The following SOX6 variants were observed in gnomAD, a reference collection of about 807,000 sequenced individuals.
The protein encoded by SOX6 is transcription factor SOX-6.
Under a neutral mutation model 97.8 loss-of-function variants are expected in SOX6, and 11 were observed. The ratio of observed to expected loss-of-function variants is 0.11; its 90% CI spans 0.07 to 0.19. The LOEUF is 0.19. Among genes scored for constraint, SOX6 ranks in the 10% least tolerant of loss-of-function variants. The pLI is 1.00. For missense variants in SOX6, 810 were observed against 1,039.5 expected (o/e 0.78, Z 3.04); for synonymous variants, 360 against 371.4 (o/e 0.97, Z 0.35).
intron 1 of SOX6, among the ~76,000 whole-genome samples, chr11:16,412,147 A>G (rs2133056903): frequency 6.6e-6 from 1 of 152,350 alleles, no homozygotes; most frequent in Admixed American, 6.5e-5. Context: ...ATATAAACTA[A>G]AAGTCTGGAT....
intron 6 of SOX6, among the ~76,000 whole-genome samples, chr11:16,178,150 C>A (rs1211532139): frequency 3.3e-5 from 5 of 151,976 alleles, no homozygotes; most frequent in East Asian, 1.9e-4. Context: ...CTGGTCAGTT[C>A]TCTTATTTTT....
At chr11:16,526,104 T>C (rs1050706390) in intron 4 of SOX6, among the ~76,000 whole-genome samples, 3 of 152,244 alleles carry the variant, frequency 2.0e-5, no homozygotes, top group East Asian at 3.9e-4. Context: ...GAACTGGAAA[T>C]ACCATTTGAC....
intron 3 of SOX6, among the ~76,000 whole-genome samples, chr11:16,308,768 GAAAA>G (rs1855511485): frequency 6.6e-6 from 1 of 152,034 alleles, no homozygotes; most frequent in Non-Finnish European, 1.5e-5. Context: ...GATCAAAAGG[GAAAA>G]AAGTGTTTCC....
Position 16,610,856 on chromosome 11 carries a change from C to T in SOX6, n.609+1225G>A, listed in dbSNP as rs2133982346. On this transcript the variant is annotated intron_variant and non_coding_transcript_variant, in intron 4 of 5. Coordinates refer to the SOX6 transcript ENST00000524520. This position sits in a 1 kb window ranked among gnomAD's most constrained non-coding sequence, Gnocchi z 4.4. ...GGGCTCTCCACCTACCTGGTGCGCACCGGCCTGCGGGCTCGGAGAAGTTCC... is the reference window on the plus strand; with the variant it reads ...GGGCTCTCCACCTACCTGGTGCGCATCGGCCTGCGGGCTCGGAGAAGTTCC... Among the ~76,000 whole-genome samples the T allele has an allele frequency of 6.6e-6, 1 of 152,272 alleles. No homozygotes were observed. Among genetic ancestry groups the T allele is most frequent in the Admixed American group, 6.5e-5 (1 of 15,302 alleles).
chr11:16,163,602 A>G (rs1243254707), intron 6 of SOX6, among the ~76,000 whole-genome samples: 1 of 152,224 alleles, frequency 6.6e-6, no homozygotes, highest in Non-Finnish European at 1.5e-5. Context: ...TACTTTCCAA[A>G]TCAAGTTTGA....
intron 3 of SOX6, among the ~76,000 whole-genome samples, chr11:16,254,061 CA>C (rs1412080817): frequency 1.3e-5 from 2 of 150,722 alleles, no homozygotes; most frequent in African/African-American, 2.4e-5. Context: ...ACCATGCAAA[CA>C]AGAATATGGA....
intron 7 of SOX6, among the ~76,000 whole-genome samples, chr11:16,100,308 T>C (rs1848911915): frequency 6.6e-6 from 1 of 151,756 alleles, no homozygotes; most frequent in Non-Finnish European, 1.5e-5. Context: ...GTGAAGCTTG[T>C]TGAAACAGGT....
At chr11:15,978,965 T>C (rs1853581059) in intron 15 of SOX6, among the ~76,000 whole-genome samples, 2 of 130,726 alleles carry the variant, frequency 1.5e-5, no homozygotes, top group South Asian at 2.3e-4. Context: ...ATGCTTATTT[T>C]ATATATATGA....
At chr11:16,191,353 C>T (rs537260952) in intron 4 of SOX6, among the ~76,000 whole-genome samples, 6 of 152,144 alleles carry the variant, frequency 3.9e-5, no homozygotes, top group South Asian at 2.1e-4. Context: ...CCCAGCTACA[C>T]AGAAGGCTGA....
intron 3 of SOX6, among the ~76,000 whole-genome samples, chr11:16,653,831 G>A (rs1000657302): frequency 6.6e-6 from 1 of 151,918 alleles, no homozygotes; most frequent in Non-Finnish European, 1.5e-5. Context: ...TTTTACATTT[G>A]ATCTTAGCCA....
At chr11:16,526,594 T>C (rs1174341488) in intron 4 of SOX6, among the ~76,000 whole-genome samples, 2 of 152,036 alleles carry the variant, frequency 1.3e-5, no homozygotes, top group Non-Finnish European at 2.9e-5. Context: ...GTAACTAACC[T>C]GCACATTGTG....
chr11:16,724,718 C>T (rs899171204), intron 2 of SOX6, among the ~76,000 whole-genome samples: 6 of 152,170 alleles, frequency 3.9e-5, no homozygotes, highest in Non-Finnish European at 8.8e-5. Flanking sequence ...CCTCTCTAGA[C>T]TTTAGTGCAT....
At chr11:16,129,481 A>G (rs1849687426) in intron 6 of SOX6, among the ~76,000 whole-genome samples, 1 of 152,188 alleles carries the variant, frequency 6.6e-6, no homozygotes, top group South Asian at 2.1e-4. Flanking sequence ...TTACAAAGAT[A>G]GCTTTTAACA....
At chr11:16,070,977 C>A (rs1174964595) in intron 9 of SOX6, among the ~76,000 whole-genome samples, 1 of 152,258 alleles carries the variant, frequency 6.6e-6, no homozygotes, top group Non-Finnish European at 1.5e-5. Flanking sequence ...ATAGCTCCAA[C>A]AGAGGTCACA....
chr11:16,630,287 G>A (rs562104133), intron 3 of SOX6, among the ~76,000 whole-genome samples: 25 of 152,008 alleles, frequency 1.6e-4, no homozygotes, highest in Admixed American at 7.2e-4. Flanking sequence ...GGTATGTTAT[G>A]TGTCTGTTTT....
At chr11:16,733,170 A>G (rs1749273128) in intron 2 of SOX6, among the ~76,000 whole-genome samples, 1 of 152,238 alleles carries the variant, frequency 6.6e-6, no homozygotes, top group Non-Finnish European at 1.5e-5. Context: ...ACAGTGTGAC[A>G]ATTCCTCAAG....
chr11:15,989,055 C>T lies in SOX6; in HGVS notation c.1908G>A (p.Arg636=), dbSNP rs1564895527. The part of the protein sequence containing the change: ...NAFMVWAKDE[R]RKILQAFPDM... ...CGGGGAAGGCCTGAAGGATTTTTCT[C>T]CTCTCATCCTTTGCCCAAACCATGA... Residue 636 remains arginine (R), a synonymous_variant, in exon 14 of 16, where the codon AGG becomes AGA. Coordinates refer to ENST00000683767, the MANE Select transcript of SOX6 (RefSeq NM_001367873.1). The T allele has an allele frequency of 6.2e-7, 1 of 1,614,068 alleles. No individual in the cohort carries two copies. The highest frequency in any genetic ancestry group is 8.5e-7 in the Non-Finnish European group (1 of 1,180,032).
At chr11:16,646,433 A>G (rs1258914787) in intron 3 of SOX6, 2 of 151,150 alleles carry the variant, frequency 1.3e-5, no homozygotes, top group African/African-American at 4.8e-5. Flanking sequence ...TTTGTGTCTT[A>G]GGTTTATCAT....
At chr11:16,287,513 C>T (rs188771344) in intron 3 of SOX6, among the ~76,000 whole-genome samples, 5 of 152,008 alleles carry the variant, frequency 3.3e-5, no homozygotes, top group African/African-American at 4.8e-5. Flanking sequence ...CCATGTTGAA[C>T]GGAAACATAG....
Sources: gnomAD v4.1 joint callset for allele counts (sites outside exome capture counted in the v4.1 genomes callset) on GRCh38, gnomAD v4.1.1 for gene constraint, Gnocchi (gnomAD v3.1) non-coding constraint, MANE v1.5 for transcripts, NCBI Gene and HGNC (gene_info 2026-07-23, HGNC 2026-07-21) for gene names.